The following POFUT3 variants were observed in gnomAD, a reference collection of about 807,000 sequenced individuals.
The protein encoded by POFUT3 is GDP-fucose protein O-fucosyltransferase 3.
At chr8:33,391,017 C>T in the POFUT3 span, among the ~76,000 whole-genome samples, 1 of 152,016 alleles carries the variant, frequency 6.6e-6, no homozygotes, top group African/African-American at 2.4e-5. Context: ...ATTTTGTAGA[C>T]CCTTGAGTTT....
chr8:33,348,474 A>G, the POFUT3 span, among the ~76,000 whole-genome samples: 1 of 152,184 alleles, frequency 6.6e-6, no homozygotes, highest in Admixed American at 6.5e-5. Context: ...ATGTGCACAC[A>G]TGAAAGTGTA....
chr8:33,399,358 T>C, the POFUT3 span, among the ~76,000 whole-genome samples: 2 of 152,330 alleles, frequency 1.3e-5, no homozygotes, highest in East Asian at 3.9e-4. Context: ...AAGTAATCCT[T>C]GTGCTCTCTG....
chr8:33,308,380 G>A, the POFUT3 span, among the ~76,000 whole-genome samples: 1 of 152,152 alleles, frequency 6.6e-6, no homozygotes, highest in African/African-American at 2.4e-5. Flanking sequence ...TTCTGTCTCT[G>A]GCTAATGGTA....
At chr8:33,445,832 G>A in the POFUT3 span, among the ~76,000 whole-genome samples, 10 of 152,084 alleles carry the variant, frequency 6.6e-5, no homozygotes, top group Non-Finnish European at 1.5e-4. Flanking sequence ...AGCTTCCTAG[G>A]AAAAGAAACT....
chr8:33,448,599 G>A, the POFUT3 span, among the ~76,000 whole-genome samples: 2 of 151,966 alleles, frequency 1.3e-5, no homozygotes, highest in African/African-American at 2.4e-5. Flanking sequence ...AAAAAAGAAG[G>A]TAGACTCTCG....
the POFUT3 span, among the ~76,000 whole-genome samples, chr8:33,466,333 G>A: frequency 2.0e-5 from 3 of 152,094 alleles, no homozygotes; most frequent in Non-Finnish European, 4.4e-5. Context: ...GAAGGCTAAA[G>A]CAGGAGAATC....
chr8:33,318,633 T>C, the POFUT3 span, among the ~76,000 whole-genome samples: 1 of 90,436 alleles, frequency 1.1e-5, no homozygotes, highest in South Asian at 2.9e-4. Flanking sequence ...TTATATAATA[T>C]ATAAATATAT....
chr8:33,328,740 T>C, the POFUT3 span, among the ~76,000 whole-genome samples: 1 of 152,126 alleles, frequency 6.6e-6, no homozygotes, highest in Non-Finnish European at 1.5e-5. Flanking sequence ...ATGAACCAAT[T>C]GTCATGGTCA....
chr8:33,351,333 G>C, the POFUT3 span, among the ~76,000 whole-genome samples: 1 of 152,188 alleles, frequency 6.6e-6, no homozygotes, highest in African/African-American at 2.4e-5. Flanking sequence ...CAAACCTTAT[G>C]TTGAAATTTG....
chr8:33,349,123 C>T, the POFUT3 span, among the ~76,000 whole-genome samples: 229 of 152,224 alleles, frequency 1.5e-3, 1 homozygote, highest in African/African-American at 4.9e-3. Flanking sequence ...GGAGTAGTTC[C>T]GTGTCAAGGG....
chr8:33,403,703 G>A, the POFUT3 span, among the ~76,000 whole-genome samples: 1 of 152,076 alleles, frequency 6.6e-6, no homozygotes, highest in African/African-American at 2.4e-5. Flanking sequence ...GCCTGCGTGG[G>A]AGAGTGAGAG....
chr8:33,372,867 A>G, the POFUT3 span: 1 of 1,459,526 alleles, frequency 6.9e-7, no homozygotes, highest in Non-Finnish European at 9.4e-7. Context: ...ATTCCCTTAA[A>G]GCAACAGACT....
chr8:33,327,059 T>C, the POFUT3 span, among the ~76,000 whole-genome samples: 1 of 152,186 alleles, frequency 6.6e-6, no homozygotes, highest in Non-Finnish European at 1.5e-5. Context: ...ATTACAGGTG[T>C]GAACCACTGC....
chr8:33,331,316 A>G, the POFUT3 span, among the ~76,000 whole-genome samples: 2 of 151,846 alleles, frequency 1.3e-5, no homozygotes, highest in Non-Finnish European at 2.9e-5. Context: ...CTTGGGCAAC[A>G]AGTGTGAAAC....
At chr8:33,355,167 T>C in the POFUT3 span, among the ~76,000 whole-genome samples, 1 of 152,212 alleles carries the variant, frequency 6.6e-6, no homozygotes, top group Non-Finnish European at 1.5e-5. Flanking sequence ...ACACAGCTGC[T>C]GCAGGATTTT....
chr8:33,354,711 C>A, the POFUT3 span, among the ~76,000 whole-genome samples: 1 of 152,098 alleles, frequency 6.6e-6, no homozygotes, highest in African/African-American at 2.4e-5. Context: ...ATAAAATTAA[C>A]CATCACATGT....
chr8:33,390,265 T>A, the POFUT3 span, among the ~76,000 whole-genome samples: 3 of 151,960 alleles, frequency 2.0e-5, no homozygotes, highest in South Asian at 6.2e-4. Flanking sequence ...TGCCTGGCAG[T>A]CAGTCACAAA....
the POFUT3 span, among the ~76,000 whole-genome samples, chr8:33,365,129 G>A: frequency 6.6e-6 from 1 of 152,150 alleles, no homozygotes; most frequent in Non-Finnish European, 1.5e-5. Flanking sequence ...CCTGATCTTT[G>A]ACAAACCTGA....
chr8:33,458,163 T>C, the POFUT3 span, among the ~76,000 whole-genome samples: 970 of 152,114 alleles, frequency 6.4e-3, 16 homozygotes, highest in African/African-American at 0.022. Flanking sequence ...AGTGTAAAGA[T>C]ACAGGGAGAA....
Sources: allele counts gnomAD v4.1 joint callset (sites outside exome capture counted in the v4.1 genomes callset), GRCh38; gene constraint gnomAD v4.1.1; transcripts MANE v1.5; gene names NCBI Gene and HGNC (gene_info 2026-07-23, HGNC 2026-07-21).